AGBL1: variants seen among roughly 807,000 people sequenced by gnomAD.
AGBL1 encodes the protein cytosolic carboxypeptidase 4.
Under a neutral mutation model 118.9 loss-of-function variants are expected in AGBL1, and 130 were observed. The ratio of observed to expected loss-of-function variants is 1.09; its 90% CI spans 0.95 to 1.26. The LOEUF (loss-of-function observed/expected upper bound fraction) is 1.26, where lower values mean the gene tolerates loss of function less well. Among genes scored for constraint, AGBL1 ranks in the 50% most tolerant of loss-of-function variants. The pLI is 0.00. For missense variants in AGBL1, 1,584 were observed against 1,298.1 expected, an observed-to-expected ratio of 1.22 and a Z score of -3.38; for synonymous variants, 555 against 478.9, an observed-to-expected ratio of 1.16 and a Z score of -2.08.
At chr15:86,949,407 A>G (rs2080856431) in intron 23 of AGBL1, among the ~76,000 whole-genome samples, 1 of 152,098 alleles carries the variant, frequency 6.6e-6, no homozygotes, top group Non-Finnish European at 1.5e-5. Context: ...GAATTTTCAA[A>G]CTTTTGGAGC....
intron 17 of AGBL1, among the ~76,000 whole-genome samples, chr15:86,314,039 A>T (rs2079960045): frequency 6.6e-6 from 1 of 152,238 alleles, no homozygotes; most frequent in Admixed American, 6.5e-5. Flanking sequence ...CCTTACTGCC[A>T]CAGGATTCTG....
At chr15:86,600,776 A>G (rs1227338227) in intron 21 of AGBL1, among the ~76,000 whole-genome samples, 1 of 152,174 alleles carries the variant, frequency 6.6e-6, no homozygotes, top group African/African-American at 2.4e-5. Context: ...GCTAAGCAGT[A>G]TCAAAATCAG....
At chr15:86,252,117 C>A (rs748672608) in intron 7 of AGBL1, among the ~76,000 whole-genome samples, 6 of 152,200 alleles carry the variant, frequency 3.9e-5, no homozygotes, top group East Asian at 1.9e-4. Flanking sequence ...GCATTTCTAA[C>A]GAGTTCTCAG....
At chr15:86,516,404 C>T (rs543041389) in intron 18 of AGBL1, among the ~76,000 whole-genome samples, 11 of 152,236 alleles carry the variant, frequency 7.2e-5, no homozygotes, top group South Asian at 2.1e-4. Context: ...AGTCTGGTGA[C>T]GTAACTTTAG....
At chr15:86,483,781 C>T (rs966110115) in intron 18 of AGBL1, among the ~76,000 whole-genome samples, 1 of 152,068 alleles carries the variant, frequency 6.6e-6, no homozygotes, top group African/African-American at 2.4e-5. Flanking sequence ...GAGACACAAA[C>T]ATTTAGCTGT....
chr15:86,190,499 G>T (rs566540125), intron 5 of AGBL1, among the ~76,000 whole-genome samples: 1 of 151,866 alleles, frequency 6.6e-6, no homozygotes, highest in South Asian at 2.1e-4. Context: ...TATTATTTTT[G>T]TCTGTTTGGT....
chr15:86,101,820 CATT>C (rs1895163163), intron 1 of AGBL1, among the ~76,000 whole-genome samples: 1 of 151,978 alleles, frequency 6.6e-6, no homozygotes, highest in Admixed American at 6.6e-5. Context: ...TCTAAAAATT[CATT>C]ATTTCAGTCT....
chr15:86,403,244 G>A (rs2081475151), intron 18 of AGBL1, among the ~76,000 whole-genome samples: 1 of 152,126 alleles, frequency 6.6e-6, no homozygotes, highest in South Asian at 2.1e-4. Context: ...TTTTTATAAA[G>A]TCAACACACA....
intron 5 of AGBL1, among the ~76,000 whole-genome samples, chr15:86,219,945 CTTTTT>C (rs68023928): frequency 3.5e-5 from 3 of 85,778 alleles, no homozygotes; most frequent in African/African-American, 4.3e-5. Context: ...AATGCTGCCT[CTTTTT>C]TTTTTTTTTT....
intron 21 of AGBL1, among the ~76,000 whole-genome samples, chr15:86,573,253 C>T (rs2084035823): frequency 6.6e-6 from 1 of 152,150 alleles, no homozygotes; most frequent in Non-Finnish European, 1.5e-5. Flanking sequence ...ATTCAAGAAA[C>T]GTTTTTCTTT....
intron 22 of AGBL1, among the ~76,000 whole-genome samples, chr15:86,740,258 G>T (rs1483471826): frequency 1.3e-5 from 2 of 152,206 alleles, no homozygotes; most frequent in Non-Finnish European, 2.9e-5. Flanking sequence ...GATTGCCCCA[G>T]ACCTTTCAGA....
chr15:86,383,626 C>T lies in AGBL1; in HGVS notation c.2375-13740C>T, dbSNP rs571209589. On this transcript the variant is annotated intron_variant, in intron 17 of 22. Transcript: ENST00000614907. ...AAAAATAATAAAACATTTCATTGCA[C>T]GTGAGTTCACATTGTTTCACTCCTC... is the stretch of plus-strand genomic sequence containing the variant. Among the ~76,000 whole-genome samples the T allele has an allele frequency of 6.6e-5, 10 of 152,170 alleles. No homozygotes were observed. The South Asian group carries it at 2.1e-3, about 32-fold the overall frequency.
At chr15:86,777,032 C>A (rs891424301) in intron 22 of AGBL1, among the ~76,000 whole-genome samples, 1 of 151,886 alleles carries the variant, frequency 6.6e-6, no homozygotes, top group Non-Finnish European at 1.5e-5. Flanking sequence ...TTACTGCTCA[C>A]ATTTAAGTAT....
chr15:86,798,897 G>A (rs2078610824), intron 22 of AGBL1, among the ~76,000 whole-genome samples: 1 of 151,938 alleles, frequency 6.6e-6, no homozygotes, highest in African/African-American at 2.4e-5. Flanking sequence ...TCCTGAATGA[G>A]GAGACTTTGA....
intron 22 of AGBL1, among the ~76,000 whole-genome samples, chr15:86,736,891 T>A (rs2077610053): frequency 6.6e-6 from 1 of 152,198 alleles, no homozygotes; most frequent in Non-Finnish European, 1.5e-5. Flanking sequence ...GCATTTGGAA[T>A]CCTCACGTAT....
chr15:86,172,549 C>A (rs77319464), intron 5 of AGBL1, among the ~76,000 whole-genome samples: 2 of 152,244 alleles, frequency 1.3e-5, no homozygotes, highest in Admixed American at 6.5e-5. Flanking sequence ...GACTTTCATC[C>A]CCATGAGATC....
At position 86,827,477 on chromosome 15, in the gene AGBL1, ATATATATGTGTG is replaced by A. The variant is rs1301186282; in HGVS notation, c.3159-79602_3159-79591del. 8.0e-3 allele frequency among the ~76,000 whole-genome samples: 117 copies of A among 14,684 alleles called. 4 individuals are homozygous for A. The highest frequency in any genetic ancestry group is 0.011 in the Admixed American group (11 of 1,032). 9.6% of individuals were successfully genotyped at this position (14,684 alleles called of 152,430 possible). A position where few individuals can be genotyped will look rare whatever the true frequency, so the allele number is the denominator to read the frequency against. ...TATATATATATATATATACATATAT[ATATATATGTGTG>A]TATATATATATATATATATATATAT... On this transcript the variant is annotated intron_variant, in intron 22 of 22. Coordinates refer to ENST00000614907, the MANE Select transcript of AGBL1 (RefSeq NM_001386094.1).
intron 22 of AGBL1, among the ~76,000 whole-genome samples, chr15:86,763,741 C>A (rs1300444536): frequency 1.3e-5 from 2 of 151,980 alleles, no homozygotes; most frequent in African/African-American, 4.8e-5. Context: ...TGACTTCAGA[C>A]AAGTTACAAT....
intron 5 of AGBL1, among the ~76,000 whole-genome samples, chr15:86,189,071 A>G (rs2141822170): frequency 6.6e-6 from 1 of 152,340 alleles, no homozygotes; most frequent in Non-Finnish European, 1.5e-5. Context: ...AATGTCAATG[A>G]AAAGGGCAAC....
Sources: allele counts gnomAD v4.1 joint callset (sites outside exome capture counted in the v4.1 genomes callset), GRCh38; gene constraint gnomAD v4.1.1; transcripts MANE v1.5; gene names NCBI Gene and HGNC (gene_info 2026-07-23, HGNC 2026-07-21).